Variants in PIKFYVE observed in about 807,000 individuals in gnomAD.
PIKFYVE encodes 1-phosphatidylinositol 3-phosphate 5-kinase.
A neutral mutation model predicts 257.9 loss-of-function variants in PIKFYVE; 122 were observed. The ratio of observed to expected loss-of-function variants is 0.47; its 90% CI spans 0.41 to 0.55. The LOEUF (loss-of-function observed/expected upper bound fraction) is 0.55, where lower values mean the gene tolerates loss of function less well. Among genes scored for constraint, PIKFYVE ranks in the 20% least tolerant of loss-of-function variants. PIKFYVE has a pLI of 0.00. For synonymous variants in PIKFYVE, 892 were observed against 868.9 expected (o/e 1.03, Z -0.47); for missense variants, 2,160 against 2,536.6 (o/e 0.85, Z 3.19).
chr2:208,311,260 G>A (rs1694906608), intron 12 of PIKFYVE, among the ~76,000 whole-genome samples: 3 of 152,174 alleles, frequency 2.0e-5, no homozygotes, highest in Admixed American at 2.0e-4. Context: ...TCCTGTGAGG[G>A]AAGAGTAGAA....
intron 1 of PIKFYVE, among the ~76,000 whole-genome samples, chr2:208,270,115 C>G (rs1292852298): frequency 6.8e-6 from 1 of 147,078 alleles, no homozygotes; most frequent in Non-Finnish European, 1.5e-5. Context: ...GTGATCGGCT[C>G]GCTGTAACCT....
chr2:208,318,190 A>G (rs1470498184), intron 16 of PIKFYVE, among the ~76,000 whole-genome samples: 2 of 152,212 alleles, frequency 1.3e-5, no homozygotes, highest in Non-Finnish European at 1.5e-5. Flanking sequence ...TTCTAGATTA[A>G]CAGAATGATA....
intron 1 of PIKFYVE, among the ~76,000 whole-genome samples, chr2:208,268,809 A>AT (rs1442513952): frequency 6.7e-6 from 1 of 150,106 alleles, no homozygotes; most frequent in East Asian, 2.0e-4. Context: ...CCCAATAAAC[A>AT]TGTATTGCCA....
chr2:208,321,208 A>G (rs1696164886), intron 17 of PIKFYVE, among the ~76,000 whole-genome samples: 1 of 152,204 alleles, frequency 6.6e-6, no homozygotes. Flanking sequence ...TGGTCATTCA[A>G]AGTGGAAGCT....
At chr2:208,299,370 A>C (rs1345673437) in intron 8 of PIKFYVE, among the ~76,000 whole-genome samples, 2 of 151,534 alleles carry the variant, frequency 1.3e-5, no homozygotes, top group Non-Finnish European at 2.9e-5. Flanking sequence ...GCTCACTGCA[A>C]CCTCCGCCTC....
intron 40 of PIKFYVE, 112 bp from the exon 41 acceptor site, chr2:208,354,459 A>G (rs1700033086): frequency 1.9e-6 from 2 of 1,026,710 alleles, no homozygotes; most frequent in African/African-American, 1.6e-5. Flanking sequence ...CATTGTTAGC[A>G]CTCAATAAAA....
chr2:208,267,026 G>A (rs140241332), intron 1 of PIKFYVE, among the ~76,000 whole-genome samples: 1,607 of 152,252 alleles, frequency 0.011, 15 homozygotes, highest in Middle Eastern at 0.044. Flanking sequence ...AGGACTTAGG[G>A]GTTTTCTGCC....
chr2:208,284,781 A>G (rs149255585), intron 5 of PIKFYVE, among the ~76,000 whole-genome samples: 73 of 152,216 alleles, frequency 4.8e-4, no homozygotes, highest in African/African-American at 1.6e-3. Context: ...AAAAAATGTT[A>G]TTCCTTGAAA....
chr2:208,303,379 C>T (rs1693952418), intron 10 of PIKFYVE, among the ~76,000 whole-genome samples: 1 of 151,888 alleles, frequency 6.6e-6, no homozygotes, highest in Non-Finnish European at 1.5e-5. Flanking sequence ...TTTGACTTCC[C>T]CAAAACTTAA....
chr2:208,325,176 T>C (rs1696774427), intron 19 of PIKFYVE, 94 bp from the exon 20 acceptor site: 2 of 1,559,988 alleles, frequency 1.3e-6, no homozygotes. Context: ...TAAGAGTTTT[T>C]CTTTTACAGA....
At chr2:208,305,530 A>T in intron 12 of PIKFYVE, 1 of 817,574 alleles carries the variant, frequency 1.2e-6, no homozygotes, top group Non-Finnish European at 1.5e-6. Context: ...TATTAAAACA[A>T]TTTCTTCTCT....
At chr2:208,335,754 C>G in intron 25 of PIKFYVE, 39 bp from the exon 26 acceptor site, 1 of 1,450,262 alleles carries the variant, frequency 6.9e-7, no homozygotes, top group South Asian at 1.2e-5. Context: ...AAATTTGATT[C>G]ACCCTTTCTA....
intron 35 of PIKFYVE, among the ~76,000 whole-genome samples, chr2:208,348,599 A>AGTAT (rs1553535083): frequency 7.8e-6 from 1 of 128,986 alleles, no homozygotes; most frequent in Non-Finnish European, 1.6e-5. Context: ...AAAAAAAAAA[A>AGTAT]GTGTGTGTGT....
intron 7 of PIKFYVE, among the ~76,000 whole-genome samples, chr2:208,290,499 A>G (rs1012602040): frequency 2.6e-5 from 4 of 152,204 alleles, no homozygotes; most frequent in Non-Finnish European, 5.9e-5. Flanking sequence ...TGGATACACT[A>G]TAGTTTATCT....
chr2:208,301,165 AGAG>A, intron 9 of PIKFYVE, 71 bp downstream of exon 9: 1 of 1,565,534 alleles, frequency 6.4e-7, no homozygotes, highest in Non-Finnish European at 8.8e-7. Flanking sequence ...GAAGATAGTA[AGAG>A]TTACAGATTT....
Position 208,342,611 on chromosome 2 carries a change from C to A in PIKFYVE, c.4989C>A (p.Cys1663Ter). 1 of 1,613,634 alleles carries A rather than the reference C, an allele frequency of 6.2e-7. No homozygotes were observed. Among genetic ancestry groups the A allele is most frequent in the Non-Finnish European group, 8.5e-7 (1 of 1,179,678 alleles). The change falls in exon 32 of 42, where the codon TGC (cysteine) becomes TGA (stop). Residue 1663 changes from cysteine (C) to a stop codon, truncating the protein, a stop_gained. Coordinates refer to ENST00000264380, the MANE Select transcript of PIKFYVE (RefSeq NM_015040.4). LOFTEE classifies it high-confidence loss of function. ...ATGAACGAGTGCCCATTGCAGTCTG[C>A]GAGAAGGAACCCAGCTCCATCATTG... is the stretch of plus-strand genomic sequence containing the variant. ...YEHERVPIAV[C>*]EKEPSSIIAF...
intron 12 of PIKFYVE, among the ~76,000 whole-genome samples, chr2:208,306,248 A>C (rs573024351): frequency 6.6e-6 from 1 of 152,358 alleles, no homozygotes; most frequent in East Asian, 1.9e-4. Flanking sequence ...GGAAATCCTC[A>C]AAACAGAAAT....
chr2:208,324,845 A>G (rs2125577645), intron 18 of PIKFYVE, 66 bp from the exon 19 acceptor site: 1 of 1,562,436 alleles, frequency 6.4e-7, no homozygotes, highest in Middle Eastern at 1.7e-4. Context: ...TTACTTTTCC[A>G]GATTAAATTT....
intron 8 of PIKFYVE, among the ~76,000 whole-genome samples, chr2:208,300,507 A>G (rs1019431759): frequency 1.3e-4 from 20 of 152,296 alleles, no homozygotes; most frequent in African/African-American, 3.4e-4. Flanking sequence ...TTGAGCAGGG[A>G]GTAATTTACT....
Sources: gnomAD v4.1 joint callset for allele counts (sites outside exome capture counted in the v4.1 genomes callset) on GRCh38, gnomAD v4.1.1 for gene constraint, MANE v1.5 for transcripts, NCBI Gene and HGNC (gene_info 2026-07-23, HGNC 2026-07-21) for gene names.